TGFB2: variants seen among roughly 807,000 people sequenced by gnomAD.
The protein encoded by TGFB2 is transforming growth factor beta-2 proprotein.
TGFB2 carries 13 observed loss-of-function variants against 42.7 expected under a neutral mutation model. The observed-to-expected ratio is 0.30, with a 90% CI of 0.20 to 0.48. The LOEUF (loss-of-function observed/expected upper bound fraction) is 0.48, where lower values mean the gene tolerates loss of function less well. Among genes scored for constraint, TGFB2 ranks in the 20% least tolerant of loss-of-function variants. The pLI is 0.99. For synonymous variants in TGFB2, 193 were observed against 193.6 expected, an observed-to-expected ratio of 1.00 and a Z score of 0.03; for missense variants, 390 against 517.5, an observed-to-expected ratio of 0.75 and a Z score of 2.39.
chr1:218,440,946 T>G (rs539001381), intron 6 of TGFB2, among the ~76,000 whole-genome samples: 172 of 152,328 alleles, frequency 1.1e-3, no homozygotes, highest in African/African-American at 4.0e-3. Context: ...AATGAGCAAT[T>G]TTTTCCAATC....
intron 2 of TGFB2, among the ~76,000 whole-genome samples, chr1:218,409,906 G>A (rs559800987): frequency 1.1e-4 from 16 of 152,356 alleles, no homozygotes; most frequent in Admixed American, 7.2e-4. Flanking sequence ...TGTTCAGTAG[G>A]AGGAGAGTAT....
rs746220497 is a variant in TGFB2 at position 218,347,072 on chromosome 1, C to A, written c.346+25C>A. 1.3e-5 allele frequency: 20 copies of A among 1,548,444 alleles called. No homozygotes were observed. In the Admixed American group the frequency reaches 2.4e-4, roughly 18 times the overall value. ...AGTAAGTACTTATTTTGACTTCCAT[C>A]CCCTGAGGTTTAGCTCTGCCCGGAG... On this transcript the variant is annotated intron_variant, in intron 1 of 6. Transcript: ENST00000366930.
chr1:218,439,124 A>G (rs1022889454), intron 6 of TGFB2, among the ~76,000 whole-genome samples: 26 of 151,808 alleles, frequency 1.7e-4, no homozygotes, highest in Middle Eastern at 3.4e-3. Flanking sequence ...AAAAAAAAAA[A>G]AAAGAAATTG....
At chr1:218,371,183 C>A (rs913404521) in intron 1 of TGFB2, among the ~76,000 whole-genome samples, 2 of 152,044 alleles carry the variant, frequency 1.3e-5, no homozygotes, top group Non-Finnish European at 2.9e-5. Context: ...TGCCTGTGGT[C>A]CCAGCTATTC....
At position 218,352,925 on chromosome 1, in the gene TGFB2, A is replaced by G. The variant is rs534655008; in HGVS notation, c.346+5878A>G. On this transcript the variant is annotated intron_variant, in intron 1 of 6. Transcript: ENST00000366930. ...CCCTTGTAAAGATGAAGAAAGTAACACTGGCCTTCTAGGGTTGTAAGGATT... is the reference window on the plus strand; with the variant it reads ...CCCTTGTAAAGATGAAGAAAGTAACGCTGGCCTTCTAGGGTTGTAAGGATT... Among the ~76,000 whole-genome samples the G allele has an allele frequency of 3.7e-4, 56 of 152,330 alleles. 1 individual carries two copies. In the South Asian group the frequency reaches 0.01, roughly 28 times the overall value.
intron 1 of TGFB2, among the ~76,000 whole-genome samples, chr1:218,395,680 C>T (rs563808335): frequency 3.3e-5 from 5 of 149,924 alleles, no homozygotes; most frequent in Non-Finnish European, 5.9e-5. Context: ...GGCGCAATCT[C>T]GGCTCACTGC....
At chr1:218,437,284 A>C in intron 5 of TGFB2, 59 bp from the exon 6 acceptor site, 1 of 1,490,896 alleles carries the variant, frequency 6.7e-7, no homozygotes, top group Non-Finnish European at 9.0e-7. Context: ...GTGGTGGTAG[A>C]GTGAGGGTGG....
intron 2 of TGFB2, among the ~76,000 whole-genome samples, chr1:218,418,680 G>A (rs1659356919): frequency 6.6e-6 from 1 of 152,122 alleles, no homozygotes; most frequent in African/African-American, 2.4e-5. Flanking sequence ...ATGTGTTGTG[G>A]GAGGGACCTA....
chr1:218,349,852 T>C (rs1327367089), intron 1 of TGFB2, among the ~76,000 whole-genome samples: 1 of 152,204 alleles, frequency 6.6e-6, no homozygotes, highest in African/African-American at 2.4e-5. Flanking sequence ...GGTGCCAATC[T>C]CCTAGGATGA....
intron 1 of TGFB2, among the ~76,000 whole-genome samples, chr1:218,367,076 G>A (rs866449915): frequency 1.3e-5 from 2 of 152,190 alleles, no homozygotes; most frequent in East Asian, 1.9e-4. Context: ...TAAATTAATC[G>A]TGTGTGGGTG....
chr1:218,357,677 A>G (rs1657083138), intron 1 of TGFB2, among the ~76,000 whole-genome samples: 1 of 152,230 alleles, frequency 6.6e-6, no homozygotes, highest in African/African-American at 2.4e-5. Context: ...TGGATATTGT[A>G]AAGTCCAAAC....
At chr1:218,359,417 C>T (rs1370014513) in intron 1 of TGFB2, among the ~76,000 whole-genome samples, 1 of 152,210 alleles carries the variant, frequency 6.6e-6, no homozygotes, top group African/African-American at 2.4e-5. Context: ...CATGATTCCA[C>T]CTACTAAACT....
At chr1:218,378,351 AT>A (rs573823999) in intron 1 of TGFB2, among the ~76,000 whole-genome samples, 6 of 152,172 alleles carry the variant, frequency 3.9e-5, no homozygotes, top group African/African-American at 1.4e-4. Flanking sequence ...TAATTTTTGC[AT>A]TTTTAGTAGA....
At chr1:218,407,152 C>T (rs1311245983) in intron 2 of TGFB2, among the ~76,000 whole-genome samples, 1 of 152,176 alleles carries the variant, frequency 6.6e-6, no homozygotes, top group African/African-American at 2.4e-5. Flanking sequence ...GGCTAGAATG[C>T]AGTGGTGCAG....
intron 1 of TGFB2, among the ~76,000 whole-genome samples, chr1:218,350,482 A>G (rs2102531865): frequency 6.6e-6 from 1 of 152,340 alleles, no homozygotes; most frequent in South Asian, 2.1e-4. Flanking sequence ...TCCTGACCAC[A>G]ATGTCAGTAA....
chr1:218,384,627 G>A (rs986818398), intron 1 of TGFB2, among the ~76,000 whole-genome samples: 9 of 152,302 alleles, frequency 5.9e-5, no homozygotes, highest in African/African-American at 2.2e-4. Context: ...AGACCCAGCT[G>A]CTGTTATTCT....
rs1331798406 is a variant in TGFB2, at chr1:218,442,017, G to A, written c.*655G>A. 6.6e-6 allele frequency: 1 copy of A among 152,142 alleles called. No individual in the cohort carries two copies. The highest frequency in any genetic ancestry group is 2.4e-5 in the African/African-American group (1 of 41,452). 9.4% of individuals were successfully genotyped at this position (152,142 alleles called of 1,614,324 possible). On this transcript the variant is annotated 3_prime_UTR_variant, in exon 7 of 7. Transcript: ENST00000366930. ...AACCCAAGTGAGTTATTATATGACC[G>A]AGAAAGTCTGCATTAAGATAAAGAC...
At chr1:218,354,131 C>A (rs1224615520) in intron 1 of TGFB2, among the ~76,000 whole-genome samples, 5 of 152,170 alleles carry the variant, frequency 3.3e-5, no homozygotes, top group Non-Finnish European at 1.5e-5. Context: ...TCTAACTTAT[C>A]TATATTCTTA....
intron 1 of TGFB2, among the ~76,000 whole-genome samples, chr1:218,347,275 C>A (rs1398097223): frequency 2.0e-5 from 3 of 152,162 alleles, no homozygotes; most frequent in African/African-American, 7.2e-5. Flanking sequence ...TTCCCCCTAA[C>A]AATTCGGTGC....
Sources: gnomAD v4.1 joint callset for allele counts (sites outside exome capture counted in the v4.1 genomes callset) on GRCh38, gnomAD v4.1.1 for gene constraint, MANE v1.5 for transcripts, NCBI Gene and HGNC (gene_info 2026-07-23, HGNC 2026-07-21) for gene names.